The following NAV2 variants were observed in gnomAD, a reference collection of about 807,000 sequenced individuals.
NAV2 encodes helicase, APC down-regulated 1.
In NAV2, 54 loss-of-function variants were observed where a neutral mutation model predicts 223.2. The ratio of observed to expected loss-of-function variants is 0.24; its 90% CI spans 0.19 to 0.30. The LOEUF (loss-of-function observed/expected upper bound fraction) is 0.30, where lower values mean the gene tolerates loss of function less well. NAV2 is among the 10% of genes least tolerant of loss of function. The probability of loss-of-function intolerance (pLI) is 1.00; values close to 1 mark genes in which losing one functional copy is unlikely to be tolerated. For missense variants in NAV2, 2,806 were observed against 3,147.5 expected, an observed-to-expected ratio of 0.89 and a Z score of 2.60; for synonymous variants, 1,279 against 1,239.3, an observed-to-expected ratio of 1.03 and a Z score of -0.67.
intron 1 of NAV2, among the ~76,000 whole-genome samples, chr11:19,428,601 G>T (rs1164619148): frequency 2.0e-5 from 3 of 152,224 alleles, no homozygotes; most frequent in African/African-American, 7.2e-5. Flanking sequence ...GGTCAATGGT[G>T]ATACTTGAAT....
intron 1 of NAV2, among the ~76,000 whole-genome samples, chr11:19,539,622 T>C (rs2044286115): frequency 6.6e-6 from 1 of 152,204 alleles, no homozygotes; most frequent in Admixed American, 6.5e-5. Flanking sequence ...CAACATTCTT[T>C]TTCTTAGGGG....
At chr11:19,473,164 G>C (rs2042014954) in intron 1 of NAV2, among the ~76,000 whole-genome samples, 1 of 152,184 alleles carries the variant, frequency 6.6e-6, no homozygotes, top group Non-Finnish European at 1.5e-5. Flanking sequence ...GAAGCCAGAA[G>C]CTATGTGGCT....
At position 19,700,853 on chromosome 11, in the gene NAV2, T is replaced by G. The variant is rs780731988; in HGVS notation, c.76-131631T>G. Among the ~76,000 whole-genome samples the G allele has an allele frequency of 3.9e-5, 6 of 152,354 alleles. No individual in the cohort carries two copies. In the South Asian group the frequency reaches 8.3e-4, roughly 21 times the overall value. On this transcript the variant is annotated intron_variant, in intron 1 of 37. Coordinates refer to the NAV2 transcript ENST00000360655. The stretch of plus-strand genomic sequence containing the variant: ...AGCTCCACGAGAAAAGAATTTTGAT[T>G]CTTACTAACATTTTATCACCAGTGA...
intron 11 of NAV2, among the ~76,000 whole-genome samples, chr11:20,003,520 T>G (rs1386014838): frequency 6.6e-6 from 1 of 152,076 alleles, no homozygotes; most frequent in Non-Finnish European, 1.5e-5. Context: ...CTCCCAGGGG[T>G]AAATGACTCA....
chr11:19,721,700 T>C (rs950765487), intron 1 of NAV2, among the ~76,000 whole-genome samples: 2 of 152,238 alleles, frequency 1.3e-5, no homozygotes, highest in African/African-American at 4.8e-5. Flanking sequence ...ACAAAGGTCA[T>C]TTGTGAGAAA....
intron 1 of NAV2, among the ~76,000 whole-genome samples, chr11:19,643,069 A>C (rs1031555419): frequency 1.3e-5 from 2 of 152,168 alleles, no homozygotes; most frequent in African/African-American, 4.8e-5. Flanking sequence ...GGTTGGGTGT[A>C]TGCATACAGG....
chr11:19,883,893 A>G (rs1323975224), intron 5 of NAV2, among the ~76,000 whole-genome samples: 1 of 152,202 alleles, frequency 6.6e-6, no homozygotes, highest in Non-Finnish European at 1.5e-5. Context: ...TGGGATACTG[A>G]GGACATTCAT....
At chr11:19,975,660 T>C (rs543009578) in intron 10 of NAV2, among the ~76,000 whole-genome samples, 1 of 152,244 alleles carries the variant, frequency 6.6e-6, no homozygotes, top group Non-Finnish European at 1.5e-5. Context: ...AGATTGAGCC[T>C]GTGTGCTAAA....
intron 1 of NAV2, among the ~76,000 whole-genome samples, chr11:19,668,546 A>AAAG (rs1340530800): frequency 1.1e-4 from 17 of 151,418 alleles, no homozygotes; most frequent in Admixed American, 1.1e-3. Context: ...AAAAAAAAAA[A>AAAG]AAAAAAAAAA....
intron 1 of NAV2, among the ~76,000 whole-genome samples, chr11:19,799,362 C>T (rs2058097336): frequency 6.6e-6 from 1 of 152,140 alleles, no homozygotes; most frequent in Non-Finnish European, 1.5e-5. Context: ...GTTAGTTCTA[C>T]AATTGCTGAG....
chr11:19,541,315 C>A (rs1315052115), intron 1 of NAV2, among the ~76,000 whole-genome samples: 1 of 152,222 alleles, frequency 6.6e-6, no homozygotes. Context: ...ATGTGACCTG[C>A]TTTCCCATGG....
At chr11:19,623,190 C>T (rs1244870196) in intron 1 of NAV2, among the ~76,000 whole-genome samples, 1 of 152,114 alleles carries the variant, frequency 6.6e-6, no homozygotes, top group Non-Finnish European at 1.5e-5. Flanking sequence ...TTCTGGCTGC[C>T]CTTAACATTT....
At chr11:19,726,772 C>G (rs937655541) in intron 1 of NAV2, among the ~76,000 whole-genome samples, 2 of 152,204 alleles carry the variant, frequency 1.3e-5, no homozygotes, top group Non-Finnish European at 2.9e-5. Context: ...AGGCCTTGCC[C>G]CAGACCTGCT....
chr11:20,032,473 T>A (rs1164952450), intron 11 of NAV2, among the ~76,000 whole-genome samples: 2 of 152,200 alleles, frequency 1.3e-5, no homozygotes, highest in African/African-American at 4.8e-5. Flanking sequence ...GGACTTGGAT[T>A]CATGAGCATC....
intron 7 of NAV2, among the ~76,000 whole-genome samples, chr11:19,936,893 T>A (rs2045954777): frequency 6.6e-6 from 1 of 152,126 alleles, no homozygotes. Context: ...ATCCCAGCAC[T>A]TTGGAAGGTC....
At chr11:19,578,164 T>G (rs577601452) in intron 1 of NAV2, among the ~76,000 whole-genome samples, 2 of 152,226 alleles carry the variant, frequency 1.3e-5, no homozygotes. Flanking sequence ...TAGCAGTTCA[T>G]GCATCTCCAG....
rs545388482 is a variant in NAV2, at chr11:19,982,696, G to A, written c.2646-1429G>A. 2.6e-5 allele frequency among the ~76,000 whole-genome samples: 4 copies of A among 152,246 alleles called. No homozygotes were observed. In the East Asian group the frequency reaches 5.8e-4, roughly 22 times the overall value. On this transcript the variant is annotated intron_variant, in intron 10 of 37. Coordinates refer to ENST00000349880, the MANE Select transcript of NAV2 (RefSeq NM_145117.5). ...CCACAGTAGCTTAGAAGCTTCCTGGGTTCCTCTTACCCATTCTGGAAGGTG... is the reference window on the plus strand; with the variant it reads ...CCACAGTAGCTTAGAAGCTTCCTGGATTCCTCTTACCCATTCTGGAAGGTG...
intron 36 of NAV2, among the ~76,000 whole-genome samples, chr11:20,109,148 A>G (rs902543183): frequency 2.6e-5 from 4 of 152,224 alleles, no homozygotes; most frequent in African/African-American, 9.6e-5. Flanking sequence ...TCTATGATTT[A>G]TAGCAGCAAT....
chr11:19,567,183 A>G (rs1240504090), intron 1 of NAV2, among the ~76,000 whole-genome samples: 1 of 152,220 alleles, frequency 6.6e-6, no homozygotes, highest in African/African-American at 2.4e-5. Context: ...TGCCGGGGAC[A>G]GGATGACCGG....
Sources: gnomAD v4.1 joint callset for allele counts (sites outside exome capture counted in the v4.1 genomes callset) on GRCh38, gnomAD v4.1.1 for gene constraint, MANE v1.5 for transcripts, NCBI Gene and HGNC (gene_info 2026-07-23, HGNC 2026-07-21) for gene names.